MARCHF1: variants seen among roughly 807,000 people sequenced by gnomAD.
The protein encoded by MARCHF1 is E3 ubiquitin-protein ligase MARCHF1.
MARCHF1 carries 40 observed loss-of-function variants against 54.2 expected under a neutral mutation model. The ratio of observed to expected loss-of-function variants is 0.74; its 90% confidence interval spans 0.57 to 0.96. MARCHF1 has a LOEUF of 0.96. MARCHF1 is among the 40% of genes least tolerant of loss of function. The pLI is 0.00. For missense variants in MARCHF1, 586 were observed against 656.5 expected (o/e 0.89, Z 1.17); for synonymous variants, 236 against 236.3 (o/e 1.00, Z 0.01).
chr4:163,834,420 T>G (rs1031616328), intron 4 of MARCHF1, among the ~76,000 whole-genome samples: 1 of 152,102 alleles, frequency 6.6e-6, no homozygotes, highest in Non-Finnish European at 1.5e-5. Flanking sequence ...TATAAGAAAA[T>G]AAAGCTGTTT....
intron 1 of MARCHF1, among the ~76,000 whole-genome samples, chr4:164,375,507 T>C (rs1213956931): frequency 2.0e-5 from 3 of 152,226 alleles, no homozygotes; most frequent in South Asian, 2.1e-4. Flanking sequence ...GTTCTCTAAC[T>C]TTAAATGATA....
chr4:163,660,322 A>C (rs1276689853), intron 5 of MARCHF1, among the ~76,000 whole-genome samples: 1 of 152,048 alleles, frequency 6.6e-6, no homozygotes, highest in African/African-American at 2.4e-5. Flanking sequence ...CAAACACTGC[A>C]TGTTCTCATT....
At chr4:163,789,606 C>T (rs1439863577) in intron 4 of MARCHF1, among the ~76,000 whole-genome samples, 1 of 149,546 alleles carries the variant, frequency 6.7e-6, no homozygotes, top group South Asian at 2.1e-4. Context: ...TTGGCTCTCT[C>T]TATTATGATT....
chr4:164,258,629 A>C (rs1579667945), intron 1 of MARCHF1, among the ~76,000 whole-genome samples: 1 of 152,276 alleles, frequency 6.6e-6, no homozygotes, highest in South Asian at 2.1e-4. Context: ...AATATCAAAT[A>C]AATGTACTTC....
At chr4:164,141,909 C>G (rs1756546925) in intron 1 of MARCHF1, among the ~76,000 whole-genome samples, 1 of 146,488 alleles carries the variant, frequency 6.8e-6, no homozygotes, top group Non-Finnish European at 1.5e-5. Flanking sequence ...ATCTGAGGTA[C>G]CGGGTTCATC....
chr4:163,612,544 G>A lies in MARCHF1; in HGVS notation c.737C>T (p.Ser246Phe), dbSNP rs62334277. The A allele has an allele frequency of 7.6e-3, 11,622 of 1,535,516 alleles. 112 individuals are homozygous for A. Among genetic ancestry groups the A allele is most frequent in the South Asian group, 0.034 (2,862 of 84,038 alleles). The change falls in exon 7 of 10, where the codon TCT (serine) becomes TTT (phenylalanine). Residue 246 changes from serine (S) to phenylalanine (F), a missense_variant. Physicochemically the swap from Ser to Phe is radical, Grantham distance 155. Transcript: ENST00000514618. ...AATTTCAGAGGACCCTTGAGTCAGAGAAGGGTTGCATTCTTGGTACCTTGT... is the reference window on the plus strand; with the variant it reads ...AATTTCAGAGGACCCTTGAGTCAGAAAAGGGTTGCATTCTTGGTACCTTGT... ...KHTRYQECNP[S>F]LTQGSSEIKR...
chr4:164,174,688 C>T (rs202045954), intron 1 of MARCHF1, among the ~76,000 whole-genome samples: 6 of 152,076 alleles, frequency 3.9e-5, no homozygotes, highest in African/African-American at 4.8e-5. Flanking sequence ...TGCAAGGGAA[C>T]GTAATCTTAT....
chr4:163,932,795 CG>C (rs1166754163), intron 3 of MARCHF1: 3 of 603,806 alleles, frequency 5.0e-6, no homozygotes, highest in Admixed American at 3.8e-5. Flanking sequence ...TGAGATCGAT[CG>C]GCACCATGGT....
chr4:163,528,827 A>G lies in MARCHF1; in HGVS notation c.1559T>C (p.Val520Ala), dbSNP rs374097725. The G allele has an allele frequency of 7.4e-6, 12 of 1,613,258 alleles. No individual in the cohort carries two copies. Among genetic ancestry groups the G allele is most frequent in the Non-Finnish European group, 1.0e-5 (12 of 1,179,562 alleles). ...ACCTGTTTGTGGTACAGGCACTACC[A>G]CAGCATCTTTGATGTCTGTGTTTAC... ...CNVNTDIKDAVVVPVPQTGAN... is the reference protein window; with the variant it reads ...CNVNTDIKDAAVVPVPQTGAN... Residue 520 changes from valine (V) to alanine (A), a missense_variant, in exon 10 of 10, where the codon GTG becomes GCG. Physicochemically the swap from Val to Ala is moderately conservative, Grantham distance 64. Transcript: ENST00000514618.
At chr4:164,180,664 G>A (rs1403459172) in intron 1 of MARCHF1, among the ~76,000 whole-genome samples, 1 of 152,138 alleles carries the variant, frequency 6.6e-6, no homozygotes. Flanking sequence ...AGCTGAATAT[G>A]AGTCTGGGCA....
Position 164,027,392 on chromosome 4 carries a change from A to AAAAAAAAAAAAAAAAAAAAAAAAAT in MARCHF1, c.-247-38684_-247-38683insATTTTTTTTTTTTTTTTTTTTTTTT, listed in dbSNP as rs1553971149. ...AAAAAAAAAAAAAAAAAAAAAAAAA[A>AAAAAAAAAAAAAAAAAAAAAAAAAT]AGATACATAGATAAATGGATCTATA... On this transcript the variant is annotated intron_variant, in intron 2 of 9. Transcript: ENST00000514618. Among the ~76,000 whole-genome samples, 135 of 59,006 alleles carry AAAAAAAAAAAAAAAAAAAAAAAAAT rather than the reference A, an allele frequency of 2.3e-3. 55 individuals are homozygous for AAAAAAAAAAAAAAAAAAAAAAAAAT. Among genetic ancestry groups the AAAAAAAAAAAAAAAAAAAAAAAAAT allele is most frequent in the Non-Finnish European group, 3.6e-3 (107 of 29,976 alleles). 38.7% of individuals were successfully genotyped at this position (59,006 alleles called of 152,430 possible). A position where few individuals can be genotyped will look rare whatever the true frequency, so the allele number is the denominator to read the frequency against.
chr4:163,660,097 T>C (rs1043926666), intron 5 of MARCHF1, among the ~76,000 whole-genome samples: 3 of 152,040 alleles, frequency 2.0e-5, no homozygotes, highest in African/African-American at 7.2e-5. Context: ...TAAAGACACA[T>C]GTACATGTAC....
At chr4:164,130,462 C>T (rs964323833) in intron 1 of MARCHF1, among the ~76,000 whole-genome samples, 1 of 152,240 alleles carries the variant, frequency 6.6e-6, no homozygotes, top group African/African-American at 2.4e-5. Context: ...AATTTCATTT[C>T]ATTTTATTGT....
intron 1 of MARCHF1, among the ~76,000 whole-genome samples, chr4:164,357,095 C>A (rs575903785): frequency 6.8e-6 from 1 of 146,904 alleles, no homozygotes; most frequent in South Asian, 2.2e-4. Flanking sequence ...GCATATGCAC[C>A]CCTGAACTTA....
chr4:163,646,295 C>A (rs143989277), intron 5 of MARCHF1, among the ~76,000 whole-genome samples: 1 of 152,166 alleles, frequency 6.6e-6, no homozygotes, highest in African/African-American at 2.4e-5. Context: ...CAGCAAAGCT[C>A]TCCTTCAGAA....
At chr4:163,790,726 T>C (rs1425073381) in intron 4 of MARCHF1, among the ~76,000 whole-genome samples, 3 of 152,006 alleles carry the variant, frequency 2.0e-5, no homozygotes, top group Admixed American at 6.6e-5. Flanking sequence ...GGCCTGGAGG[T>C]GAACACAGTG....
chr4:164,018,825 A>G (rs113490085), intron 2 of MARCHF1, among the ~76,000 whole-genome samples: 25 of 152,268 alleles, frequency 1.6e-4, no homozygotes, highest in African/African-American at 5.8e-4. Flanking sequence ...CAAGTCAATA[A>G]TTTTCATATG....
Position 164,019,809 on chromosome 4 carries a change from A to G in MARCHF1, c.-247-31100T>C, listed in dbSNP as rs1753622825. Among the ~76,000 whole-genome samples the G allele has an allele frequency of 1.3e-5, 2 of 152,234 alleles. 1 individual carries two copies. The highest frequency in any genetic ancestry group is 4.1e-4 in the South Asian group (2 of 4,832). On this transcript the variant is annotated intron_variant, in intron 2 of 9. Coordinates refer to ENST00000514618, the MANE Select transcript of MARCHF1 (RefSeq NM_001394959.1). Reference sequence around the variant, plus strand: ...CTTAAAACAATCCCTTATTTGGGATAGTATAGGGCAGACATGGCTGAAGAC... The same window carrying G: ...CTTAAAACAATCCCTTATTTGGGATGGTATAGGGCAGACATGGCTGAAGAC...
At chr4:164,187,580 C>T (rs879591892) in intron 1 of MARCHF1, among the ~76,000 whole-genome samples, 25 of 152,086 alleles carry the variant, frequency 1.6e-4, no homozygotes, top group African/African-American at 3.4e-4. Flanking sequence ...CTACATCATT[C>T]GGGTGTGTTG....
Sources: gnomAD v4.1 joint callset for allele counts (sites outside exome capture counted in the v4.1 genomes callset) on GRCh38, gnomAD v4.1.1 for gene constraint, MANE v1.5 for transcripts, NCBI Gene and HGNC (gene_info 2026-07-23, HGNC 2026-07-21) for gene names.